ADAM22: variants seen among roughly 807,000 people sequenced by gnomAD.
ADAM22 encodes disintegrin and metalloproteinase domain-containing protein 22.
Under a neutral mutation model 144.6 loss-of-function variants are expected in ADAM22, and 65 were observed. The observed-to-expected ratio is 0.45, with a 90% CI of 0.37 to 0.55. The LOEUF (loss-of-function observed/expected upper bound fraction) is 0.55. Ranked by LOEUF, ADAM22 falls within the 20% of genes least tolerant of loss-of-function variation. The probability of loss-of-function intolerance (pLI) is 0.00; values close to 1 mark genes in which losing one functional copy is unlikely to be tolerated. For synonymous variants in ADAM22, 391 were observed against 412.6 expected, an observed-to-expected ratio of 0.95 and a Z score of 0.63; for missense variants, 974 against 1,184.9, an observed-to-expected ratio of 0.82 and a Z score of 2.61.
At chr7:87,995,776 C>T (rs1791040841) in intron 3 of ADAM22, among the ~76,000 whole-genome samples, 1 of 152,310 alleles carries the variant, frequency 6.6e-6, no homozygotes, top group Admixed American at 6.5e-5. Flanking sequence ...GTAGTCCAAA[C>T]CTCAACCCTG....
intron 2 of ADAM22, among the ~76,000 whole-genome samples, chr7:87,947,682 C>T (rs1330369959): frequency 6.6e-6 from 1 of 152,146 alleles, no homozygotes; most frequent in African/African-American, 2.4e-5. Context: ...ACTATTTATT[C>T]ATAATCAATT....
intron 17 of ADAM22, 53 bp downstream of exon 17, chr7:88,145,560 A>G (rs1445045729): frequency 1.4e-6 from 2 of 1,388,954 alleles, no homozygotes; most frequent in Non-Finnish European, 2.0e-6. Context: ...ACTTGATTAA[A>G]TCATTAAGGC....
At chr7:88,080,712 A>G (rs1190664600) in intron 4 of ADAM22, among the ~76,000 whole-genome samples, 1 of 152,250 alleles carries the variant, frequency 6.6e-6, no homozygotes, top group African/African-American at 2.4e-5. Context: ...AGAGAATACT[A>G]CAAACACCTC....
intron 14 of ADAM22, among the ~76,000 whole-genome samples, chr7:88,138,611 T>A (rs1833668194): frequency 6.6e-6 from 1 of 152,198 alleles, no homozygotes; most frequent in Admixed American, 6.5e-5. Context: ...TTGAAATGAA[T>A]ACCTTCAGTC....
intron 31 of ADAM22, among the ~76,000 whole-genome samples, chr7:88,194,466 T>C (rs1021332495): frequency 6.6e-6 from 1 of 152,158 alleles, no homozygotes; most frequent in African/African-American, 2.4e-5. Flanking sequence ...ACACAGCCCC[T>C]GTCTCTGGGC....
At position 88,126,989 on chromosome 7, in the gene ADAM22, G is replaced by A. The variant is rs143372331; in HGVS notation, c.678+1330G>A. On this transcript the variant is annotated intron_variant, in intron 8 of 31. Transcript: ENST00000413139. Reference sequence around the variant, plus strand: ...GAGAGGTGCTTATAACCGCATATACGCCATATATTGCCTCTCAGACCCATG... The same window carrying A: ...GAGAGGTGCTTATAACCGCATATACACCATATATTGCCTCTCAGACCCATG... 3.3e-5 allele frequency among the ~76,000 whole-genome samples: 5 copies of A among 151,764 alleles called. No homozygotes were observed. In the East Asian group the frequency reaches 5.8e-4, roughly 18 times the overall value.
intron 3 of ADAM22, among the ~76,000 whole-genome samples, chr7:88,049,325 C>T (rs1805550066): frequency 6.6e-6 from 1 of 152,126 alleles, no homozygotes; most frequent in East Asian, 1.9e-4. Context: ...CATCTTTTCT[C>T]ATTTGGAATA....
intron 26 of ADAM22, among the ~76,000 whole-genome samples, chr7:88,177,131 T>C (rs1845875264): frequency 6.6e-6 from 1 of 152,222 alleles, no homozygotes; most frequent in Non-Finnish European, 1.5e-5. Flanking sequence ...TCAGTAAAGA[T>C]AGTAGTGATA....
chr7:87,964,691 C>A, intron 2 of ADAM22: 1 of 400,210 alleles, frequency 2.5e-6, no homozygotes, highest in Non-Finnish European at 4.8e-6. Context: ...ACAGGTAATG[C>A]AGTACCTATA....
At chr7:88,090,219 G>T (rs1305249900) in intron 4 of ADAM22, among the ~76,000 whole-genome samples, 1 of 152,180 alleles carries the variant, frequency 6.6e-6, no homozygotes, top group Non-Finnish European at 1.5e-5. Flanking sequence ...GACTCTTGCT[G>T]TTAAGCTTAA....
Position 87,994,826 on chromosome 7 carries a change from C to G in ADAM22, c.323+16414C>G, listed in dbSNP as rs187747623. On this transcript the variant is annotated intron_variant, in intron 3 of 31. Coordinates refer to ENST00000413139, the MANE Select transcript of ADAM22 (RefSeq NM_001324418.2). ...AAATGGCTTTGAAACAGCTTTCTAG[C>G]ATTGTATTTTTTTTTTTTGGAGACG... Among the ~76,000 whole-genome samples, 56 of 151,998 alleles carry G rather than the reference C, an allele frequency of 3.7e-4. 1 individual carries two copies. In the East Asian group the frequency reaches 0.01, roughly 28 times the overall value.
At chr7:88,148,500 T>TA (rs1387501223) in intron 17 of ADAM22, among the ~76,000 whole-genome samples, 1 of 152,122 alleles carries the variant, frequency 6.6e-6, no homozygotes, top group Non-Finnish European at 1.5e-5. Flanking sequence ...TAAATCCATG[T>TA]AAAAATGAGG....
In ADAM22 at chr7:88,159,186, G is replaced by A. The variant is rs115319235; in HGVS notation, c.1907+3180G>A. 7.3e-3 allele frequency among the ~76,000 whole-genome samples: 1,109 copies of A among 151,790 alleles called. 17 individuals carry two copies. Among genetic ancestry groups the A allele is most frequent in the African/African-American group, 0.025 (1,053 of 41,478 alleles). On this transcript the variant is annotated intron_variant, in intron 22 of 31. Coordinates refer to ENST00000413139, the MANE Select transcript of ADAM22 (RefSeq NM_001324418.2). ...GATAAATGCCTGGACATGTGTATAC[G>A]TTTCCAAGACTGAATCAGGAAGAAA...
rs1005612482 is a variant in ADAM22 at position 88,197,188 on chromosome 7, T to A, written c.*697T>A. The A allele has an allele frequency of 6.6e-6, 1 of 152,354 alleles. No homozygotes were observed. 9.4% of individuals were successfully genotyped at this position (152,354 alleles called of 1,614,324 possible). A position where few individuals can be genotyped will look rare whatever the true frequency, so the allele number is the denominator to read the frequency against. ...TTTTGCCAAATGCCTAAAAATTCCG[T>A]CACAATCACATCATCGTCATCCATC... is the stretch of plus-strand genomic sequence containing the variant. On this transcript the variant is annotated 3_prime_UTR_variant, in exon 32 of 32. Transcript: ENST00000413139.
rs146431146 is a variant in ADAM22 at position 87,998,539 on chromosome 7, C to T, written c.323+20127C>T. ...CCGAGTAGCTGCGACTACAGGTGCA[C>T]GCCACAATGCCTGGCTAATTTTTGT... On this transcript the variant is annotated intron_variant, in intron 3 of 31. Transcript: ENST00000413139. Among the ~76,000 whole-genome samples the T allele has an allele frequency of 2.0e-3, 309 of 152,148 alleles. 1 individual carries two copies. Among genetic ancestry groups the T allele is most frequent in the South Asian group, 4.4e-3 (21 of 4,814 alleles).
At position 88,167,247 on chromosome 7, in the gene ADAM22, T is replaced by C. The variant is rs575835539; in HGVS notation, c.2192-890T>C. 2.6e-5 allele frequency among the ~76,000 whole-genome samples: 4 copies of C among 152,310 alleles called. No homozygotes were observed. In the East Asian group the frequency reaches 5.8e-4, roughly 22 times the overall value. ...GTTAACCATGTGGCACAAATCATTA[T>C]CAGCAAAACAGGCCTTCTGGTGTCA... On this transcript the variant is annotated intron_variant, in intron 24 of 31. Coordinates refer to ENST00000413139, the MANE Select transcript of ADAM22 (RefSeq NM_001324418.2).
chr7:88,039,464 A>AATATATATAT (rs1554420479), intron 3 of ADAM22, among the ~76,000 whole-genome samples: 66 of 76,244 alleles, frequency 8.7e-4, no homozygotes, highest in African/African-American at 2.7e-3. Flanking sequence ...AAAAAAAAAA[A>AATATATATAT]ATATATATAT....
intron 4 of ADAM22, among the ~76,000 whole-genome samples, chr7:88,086,224 T>TC (rs1414768384): frequency 3.9e-5 from 6 of 152,096 alleles, no homozygotes; most frequent in Non-Finnish European, 5.9e-5. Context: ...TTCTCTTTTG[T>TC]CCCCCCCTTG....
At chr7:88,124,498 C>A (rs1309843657) in intron 7 of ADAM22, among the ~76,000 whole-genome samples, 1 of 151,236 alleles carries the variant, frequency 6.6e-6, no homozygotes, top group Non-Finnish European at 1.5e-5. Flanking sequence ...TGCCCCTCTT[C>A]TAAACAGCAT....
Sources: allele counts gnomAD v4.1 joint callset (sites outside exome capture counted in the v4.1 genomes callset), GRCh38; gene constraint gnomAD v4.1.1; transcripts MANE v1.5; gene names NCBI Gene and HGNC (gene_info 2026-07-23, HGNC 2026-07-21).